CACNG5: variants seen among roughly 807,000 people sequenced by gnomAD.
CACNG5 encodes calcium voltage-gated channel auxiliary subunit gamma 5.
CACNG5 carries 18 observed loss-of-function variants against 24.8 expected under a neutral mutation model. The ratio of observed to expected loss-of-function variants is 0.73; its 90% CI spans 0.50 to 1.08. The LOEUF (loss-of-function observed/expected upper bound fraction) is 1.08. Ranked by LOEUF, CACNG5 falls within the 50% of genes least tolerant of loss-of-function variation. The pLI is 0.00. For missense variants in CACNG5, 349 were observed against 367.9 expected, an observed-to-expected ratio of 0.95 and a Z score of 0.42; for synonymous variants, 157 against 149.1, an observed-to-expected ratio of 1.05 and a Z score of -0.39.
chr17:66,866,609 C>T (rs1379835793), intron 1 of CACNG5, among the ~76,000 whole-genome samples: 1 of 152,146 alleles, frequency 6.6e-6, no homozygotes, highest in Non-Finnish European at 1.5e-5. Context: ...TGTTCTCCCT[C>T]CCTCTGCCCA....
At position 66,891,944 on chromosome 17, in the gene CACNG5, G is replaced by A. The variant is rs1222778847; in HGVS notation, c.*6704G>A. Among the ~76,000 whole-genome samples the A allele has an allele frequency of 2.0e-5, 3 of 152,214 alleles. No homozygotes were observed. Among genetic ancestry groups the A allele is most frequent in the Non-Finnish European group, 2.9e-5 (2 of 68,038 alleles). On this transcript the variant is annotated 3_prime_UTR_variant, in exon 6 of 6. Coordinates refer to ENST00000533854, the MANE Select transcript of CACNG5 (RefSeq NM_145811.3). The stretch of plus-strand genomic sequence containing the variant: ...GGCCATGATATGCTCTAGGCTCTAG[G>A]GGTTTAGTCCCAGATCTCTGAAATT...
chr17:66,863,823 T>A (rs1976895608), intron 1 of CACNG5, among the ~76,000 whole-genome samples: 1 of 152,238 alleles, frequency 6.6e-6, no homozygotes, highest in Non-Finnish European at 1.5e-5. Context: ...TTCCTCAATT[T>A]TTGTTTGTCT....
chr17:66,891,445 T>C lies in CACNG5; in HGVS notation c.*6205T>C, dbSNP rs1202787822. On this transcript the variant is annotated 3_prime_UTR_variant, in exon 6 of 6. Coordinates refer to ENST00000533854, the MANE Select transcript of CACNG5 (RefSeq NM_145811.3). ...GTTGGAGTCAGACAGTGGCTGTCAT[T>C]TCAAAGGCTTCCCTGCTCATTGGTG... Among the ~76,000 whole-genome samples, 1 of 152,150 alleles carries C rather than the reference T, an allele frequency of 6.6e-6. No homozygotes were observed. Among genetic ancestry groups the C allele is most frequent in the Non-Finnish European group, 1.5e-5 (1 of 68,020 alleles).
At chr17:66,878,919 A>G (rs1977120835) in intron 2 of CACNG5, 53 bp from the exon 3 acceptor site, 1 of 1,444,862 alleles carries the variant, frequency 6.9e-7, no homozygotes, top group Non-Finnish European at 9.7e-7. Context: ...GTATGGACCA[A>G]CTTCAAATCC....
At chr17:66,884,015 C>T (rs1283733226) in intron 4 of CACNG5, among the ~76,000 whole-genome samples, 1 of 151,968 alleles carries the variant, frequency 6.6e-6, no homozygotes, top group African/African-American at 2.4e-5. Flanking sequence ...ACCTGTAATC[C>T]CAGCTACTCA....
At chr17:66,875,042 G>A (rs1977056639) in intron 1 of CACNG5, among the ~76,000 whole-genome samples, 1 of 152,250 alleles carries the variant, frequency 6.6e-6, no homozygotes, top group Admixed American at 6.5e-5. Context: ...CTAGGAGTTG[G>A]CTTCTCTTCC....
intron 1 of CACNG5, among the ~76,000 whole-genome samples, chr17:66,874,531 G>A (rs1242539109): frequency 6.6e-6 from 1 of 152,166 alleles, no homozygotes; most frequent in African/African-American, 2.4e-5. Flanking sequence ...TATAACAACT[G>A]TCTCAAGGGA....
intron 1 of CACNG5, among the ~76,000 whole-genome samples, chr17:66,843,274 A>C (rs1347884492): frequency 6.6e-6 from 1 of 152,160 alleles, no homozygotes; most frequent in Non-Finnish European, 1.5e-5. Flanking sequence ...GCCACTCTGA[A>C]GTCCAGCACC....
At chr17:66,850,063 G>C (rs1204506799) in intron 1 of CACNG5, among the ~76,000 whole-genome samples, 1 of 152,150 alleles carries the variant, frequency 6.6e-6, no homozygotes, top group Admixed American at 6.5e-5. Flanking sequence ...ATCACAAAGG[G>C]GTCAGGAGAG....
chr17:66,882,126 G>C (rs1977167073), intron 4 of CACNG5, among the ~76,000 whole-genome samples: 1 of 152,128 alleles, frequency 6.6e-6, no homozygotes, highest in African/African-American at 2.4e-5. Context: ...GCCCAAACAG[G>C]GGGTTGATGG....
At chr17:66,837,297 G>A (rs552851731) in intron 1 of CACNG5, among the ~76,000 whole-genome samples, 4 of 152,284 alleles carry the variant, frequency 2.6e-5, no homozygotes, top group East Asian at 1.9e-4. Flanking sequence ...TAGTAGCAGG[G>A]TAGCTCACAG....
At chr17:66,861,065 T>G (rs1976850069) in intron 1 of CACNG5, among the ~76,000 whole-genome samples, 1 of 152,176 alleles carries the variant, frequency 6.6e-6, no homozygotes, top group Non-Finnish European at 1.5e-5. Context: ...TAATTGCATA[T>G]TTCTTCTCGA....
chr17:66,877,151 G>C (rs530028457), intron 1 of CACNG5, 79 bp from the exon 2 acceptor site: 2 of 580,236 alleles, frequency 3.4e-6, no homozygotes, highest in Non-Finnish European at 6.1e-6. Context: ...CCAGGGGGTT[G>C]CCTGGTGGTC....
intron 4 of CACNG5, among the ~76,000 whole-genome samples, chr17:66,881,107 GAGTC>G (rs1429873151): frequency 6.6e-6 from 1 of 152,180 alleles, no homozygotes; most frequent in Non-Finnish European, 1.5e-5. Context: ...AGGATAGGCT[GAGTC>G]AGTTATTCAG....
At position 66,888,499 on chromosome 17, in the gene CACNG5, G is replaced by C. The variant is rs557348264; in HGVS notation, c.*3259G>C. Reference sequence around the variant, plus strand: ...GCAGAGCTTGCAGTGAGCCGAGATCGCACCACTGCACTCCAGCCTGGGTGA... The same window carrying C: ...GCAGAGCTTGCAGTGAGCCGAGATCCCACCACTGCACTCCAGCCTGGGTGA... On this transcript the variant is annotated 3_prime_UTR_variant, in exon 6 of 6. Coordinates refer to ENST00000533854, the MANE Select transcript of CACNG5 (RefSeq NM_145811.3). Among the ~76,000 whole-genome samples, 1 of 127,096 alleles carries C rather than the reference G, an allele frequency of 7.9e-6. No individual in the cohort carries two copies. Among genetic ancestry groups the C allele is most frequent in the Non-Finnish European group, 1.6e-5 (1 of 64,468 alleles). 83.4% of individuals were successfully genotyped at this position (127,096 alleles called of 152,430 possible).
intron 1 of CACNG5, among the ~76,000 whole-genome samples, chr17:66,845,391 A>G (rs1261539622): frequency 1.3e-5 from 2 of 151,918 alleles, no homozygotes; most frequent in African/African-American, 4.8e-5. Flanking sequence ...GCAAACCACC[A>G]TGGCACACGT....
chr17:66,877,668 C>T, intron 2 of CACNG5, 140 bp downstream of exon 2: 1 of 687,330 alleles, frequency 1.5e-6, no homozygotes, highest in Non-Finnish European at 2.4e-6. Context: ...GCGGGTGGTG[C>T]TCCCTGCAGT....
intron 4 of CACNG5, among the ~76,000 whole-genome samples, chr17:66,883,900 G>A (rs540547214): frequency 7.2e-5 from 11 of 152,260 alleles, no homozygotes; most frequent in African/African-American, 2.4e-4. Context: ...TTGGGAGGCC[G>A]AGGCTGGCGA....
At chr17:66,884,091 C>G (rs547967002) in intron 4 of CACNG5, among the ~76,000 whole-genome samples, 1 of 151,062 alleles carries the variant, frequency 6.6e-6, no homozygotes, top group African/African-American at 2.4e-5. Context: ...GAGATCGCGC[C>G]ATTGCCCTCC....
Sources: allele counts gnomAD v4.1 joint callset (sites outside exome capture counted in the v4.1 genomes callset), GRCh38; gene constraint gnomAD v4.1.1; transcripts MANE v1.5; gene names NCBI Gene and HGNC (gene_info 2026-07-23, HGNC 2026-07-21).